Variants in UBE3C observed in about 807,000 individuals in gnomAD.
The protein encoded by UBE3C is ubiquitin-protein ligase E3C.
Under a neutral mutation model 129.4 loss-of-function variants are expected in UBE3C, and 42 were observed. The observed-to-expected ratio is 0.32, with a 90% CI of 0.25 to 0.42. The LOEUF (loss-of-function observed/expected upper bound fraction) is 0.42. Among genes scored for constraint, UBE3C ranks in the 10% least tolerant of loss-of-function variants. The pLI is 1.00. For synonymous variants in UBE3C, 510 were observed against 492.4 expected (o/e 1.04, Z -0.47); for missense variants, 1,049 against 1,319.1 (o/e 0.80, Z 3.17).
chr7:157,145,459 A>G (rs1353313055), intron 1 of UBE3C, among the ~76,000 whole-genome samples: 1 of 152,186 alleles, frequency 6.6e-6, no homozygotes, highest in Non-Finnish European at 1.5e-5. Context: ...CAGAGATTGC[A>G]GTTAGCTGAG....
rs7807 is a variant in UBE3C, at chr7:157,268,948, C to A, written c.*1193C>A. On this transcript the variant is annotated 3_prime_UTR_variant, in exon 23 of 23. Transcript: ENST00000348165. ...ATCCTCATTTATCTCTTCTATGTCT[C>A]GTATTTTACTGTCACTGGAGGCTCT... The A allele has an allele frequency of 0.75, 113,993 of 152,582 alleles. 42,703 individuals carry two copies. The highest frequency in any genetic ancestry group is 0.77 in the Non-Finnish European group (52,130 of 68,006). The allele number at this position is 152,582 out of a possible 1,614,324, so 9.5% of individuals were successfully genotyped here. A position where few individuals can be genotyped will look rare whatever the true frequency, so the allele number is the denominator to read the frequency against.
At chr7:157,208,054 ACT>A (rs1809486303) in intron 13 of UBE3C, 119 bp downstream of exon 13, 3 of 114,766 alleles carry the variant, frequency 2.6e-5, no homozygotes, top group Non-Finnish European at 3.5e-5. Context: ...AATTTGCAAG[ACT>A]TTTTTTTTTT....
intron 18 of UBE3C, among the ~76,000 whole-genome samples, chr7:157,247,728 T>C (rs1472507729): frequency 6.6e-6 from 1 of 151,958 alleles, no homozygotes; most frequent in African/African-American, 2.4e-5. Flanking sequence ...TTTCTTGACA[T>C]GTGAAAATCA....
At chr7:157,176,082 A>G (rs953169636) in intron 5 of UBE3C, among the ~76,000 whole-genome samples, 14 of 152,172 alleles carry the variant, frequency 9.2e-5, no homozygotes, top group African/African-American at 3.4e-4. Flanking sequence ...TTTTGAATGT[A>G]TTTGTATAAG....
At chr7:157,183,802 A>G (rs1432217680) in intron 8 of UBE3C, 76 bp from the exon 9 acceptor site, 2 of 1,524,320 alleles carry the variant, frequency 1.3e-6, no homozygotes, top group Admixed American at 1.9e-5. Context: ...GCGTGTGAGG[A>G]AAAATGGCGT....
chr7:157,248,664 C>T (rs898354646), intron 19 of UBE3C, 84 bp downstream of exon 19: 18 of 1,423,870 alleles, frequency 1.3e-5, no homozygotes, highest in Non-Finnish European at 1.6e-5. Flanking sequence ...TGTGTTACAG[C>T]GTTTGACTTC....
chr7:157,207,962 T>A, intron 13 of UBE3C, 27 bp downstream of exon 13: 1 of 1,396,394 alleles, frequency 7.2e-7, no homozygotes. Context: ...TTTTTTTGTT[T>A]ACTGACATTG....
At chr7:157,197,646 A>C (rs1043650059) in intron 10 of UBE3C, 1 of 1,609,168 alleles carries the variant, frequency 6.2e-7, no homozygotes, top group East Asian at 2.2e-5. Flanking sequence ...ATCTGCTTCT[A>C]GCAGTGTCAG....
At chr7:157,223,214 A>G (rs769171478) in intron 15 of UBE3C, 40 bp from the exon 16 acceptor site, 2 of 1,589,418 alleles carry the variant, frequency 1.3e-6, no homozygotes, top group Non-Finnish European at 1.7e-6. Flanking sequence ...TGCAGGGGAA[A>G]GTACAAGTGA....
chr7:157,204,398 C>CAAAAAA (rs35298527), intron 11 of UBE3C, among the ~76,000 whole-genome samples: 11 of 86,394 alleles, frequency 1.3e-4, no homozygotes, highest in East Asian at 3.5e-4. Flanking sequence ...AACTTTGTTT[C>CAAAAAA]AAAAAAAAAA....
intron 10 of UBE3C, chr7:157,197,940 C>T (rs1809168501): frequency 1.9e-6 from 3 of 1,608,468 alleles, no homozygotes; most frequent in East Asian, 2.2e-5. Context: ...AAGTTTTTGC[C>T]CTTCTCCACT....
intron 22 of UBE3C, chr7:157,262,991 A>G (rs912465949): frequency 3.3e-5 from 5 of 152,224 alleles, no homozygotes; most frequent in Admixed American, 2.0e-4. Flanking sequence ...TCAAGATTGT[A>G]TTGTCTTCAT....
intron 18 of UBE3C, among the ~76,000 whole-genome samples, chr7:157,244,671 A>G (rs946095460): frequency 6.6e-6 from 1 of 152,220 alleles, no homozygotes; most frequent in Non-Finnish European, 1.5e-5. Context: ...TGTGGTTCAC[A>G]TTTATTCTGA....
intron 19 of UBE3C, among the ~76,000 whole-genome samples, chr7:157,253,727 G>T (rs1317519761): frequency 6.6e-6 from 1 of 152,206 alleles, no homozygotes; most frequent in Non-Finnish European, 1.5e-5. Flanking sequence ...AACATGGATG[G>T]TTAGTGATCT....
At chr7:157,170,601 T>C (rs1390217865) in intron 4 of UBE3C, 151 bp downstream of exon 4, 2 of 757,074 alleles carry the variant, frequency 2.6e-6, no homozygotes, top group East Asian at 3.3e-5. Context: ...AGGTTACCTA[T>C]GTGGTGATGT....
chr7:157,138,956 C>T lies in UBE3C; in HGVS notation c.-317C>T, dbSNP rs1266179045. On this transcript the variant is annotated 5_prime_UTR_variant, in exon 1 of 23. Coordinates refer to ENST00000348165, the MANE Select transcript of UBE3C (RefSeq NM_014671.3). ...CACTGACGGCTGACCGCCATCTTCC[C>T]TCCCGAGGCGGCAGTTCCAGGTGCA... The T allele has an allele frequency of 3.3e-5, 5 of 152,286 alleles. No homozygotes were observed. The highest frequency in any genetic ancestry group is 2.1e-4 in the South Asian group (1 of 4,840). The allele number at this position is 152,286 out of a possible 1,614,324, so 9.4% of individuals were successfully genotyped here. A position where few individuals can be genotyped will look rare whatever the true frequency, so the allele number is the denominator to read the frequency against.
At chr7:157,253,584 A>G (rs1272253175) in intron 19 of UBE3C, among the ~76,000 whole-genome samples, 1 of 152,198 alleles carries the variant, frequency 6.6e-6, no homozygotes, top group Non-Finnish European at 1.5e-5. Context: ...TTCCTCCAGA[A>G]TGAGTCGCTT....
intron 10 of UBE3C, among the ~76,000 whole-genome samples, chr7:157,194,985 G>A (rs1464809308): frequency 6.6e-6 from 1 of 152,150 alleles, no homozygotes; most frequent in Non-Finnish European, 1.5e-5. Context: ...GGAAATTCGT[G>A]GCCTATTCAA....
intron 21 of UBE3C, among the ~76,000 whole-genome samples, chr7:157,255,644 G>A (rs553058245): frequency 2.0e-5 from 3 of 152,276 alleles, no homozygotes; most frequent in South Asian, 2.1e-4. Context: ...TCTCAGCTAT[G>A]CCAGTAAATA....
Sources: allele counts gnomAD v4.1 joint callset (sites outside exome capture counted in the v4.1 genomes callset), GRCh38; gene constraint gnomAD v4.1.1; transcripts MANE v1.5; gene names NCBI Gene and HGNC (gene_info 2026-07-23, HGNC 2026-07-21).